FZD6: variants seen among roughly 807,000 people sequenced by gnomAD.
FZD6 encodes the protein frizzled-6.
A neutral mutation model predicts 61.4 loss-of-function variants in FZD6; 49 were observed. The ratio of observed to expected loss-of-function variants is 0.80; its 90% CI spans 0.63 to 1.01. The LOEUF is 1.01. Ranked by LOEUF, FZD6 falls within the 50% of genes least tolerant of loss-of-function variation. The probability of loss-of-function intolerance (pLI) is 0.00; values close to 1 mark genes in which losing one functional copy is unlikely to be tolerated. For missense variants in FZD6, 724 were observed against 848.2 expected, an observed-to-expected ratio of 0.85 and a Z score of 1.82; for synonymous variants, 265 against 292.2, an observed-to-expected ratio of 0.91 and a Z score of 0.95.
chr8:103,320,313 T>G (rs1047541776), intron 3 of FZD6, among the ~76,000 whole-genome samples: 8 of 152,106 alleles, frequency 5.3e-5, no homozygotes, highest in Non-Finnish European at 8.8e-5. Flanking sequence ...CAGGCGATCC[T>G]GAATGTGTGG....
Position 103,325,202 on chromosome 8 carries a change from G to A in FZD6, c.1096G>A (p.Ala366Thr). 6.2e-7 allele frequency: 1 copy of A among 1,614,144 alleles called. No individual in the cohort carries two copies. The highest frequency in any genetic ancestry group is 8.5e-7 in the Non-Finnish European group (1 of 1,180,018). ...CTTTGTTGGCCTTTATGACCTGGAT[G>A]CTTCTCGCTACTTTGTACTCTTGCC... Reference protein sequence around the residue: ...VCFVGLYDLDASRYFVLLPLC... With the variant: ...VCFVGLYDLDTSRYFVLLPLC... The change falls in exon 4 of 7, where the codon GCT (alanine) becomes ACT (threonine). Residue 366 changes from alanine to threonine, a missense_variant. Coordinates refer to ENST00000358755, the MANE Select transcript of FZD6 (RefSeq NM_003506.4).
chr8:103,307,272 G>A (rs1814363420), intron 2 of FZD6, among the ~76,000 whole-genome samples: 1 of 149,172 alleles, frequency 6.7e-6, no homozygotes, highest in African/African-American at 2.5e-5. Flanking sequence ...CCAACCCCAG[G>A]CCCATATTAT....
chr8:103,314,142 C>G (rs1212447131), intron 2 of FZD6, among the ~76,000 whole-genome samples: 1 of 152,138 alleles, frequency 6.6e-6, no homozygotes, highest in African/African-American at 2.4e-5. Context: ...AGGGAAGTGA[C>G]TTGTGTTTTC....
At chr8:103,310,310 C>A (rs1045748451) in intron 2 of FZD6, among the ~76,000 whole-genome samples, 1 of 151,726 alleles carries the variant, frequency 6.6e-6, no homozygotes, top group Non-Finnish European at 1.5e-5. Flanking sequence ...CACTCTGTTG[C>A]CTGGGCTGGA....
At chr8:103,322,864 G>A (rs1361257555) in intron 3 of FZD6, among the ~76,000 whole-genome samples, 1 of 152,138 alleles carries the variant, frequency 6.6e-6, no homozygotes, top group East Asian at 1.9e-4. Context: ...AGAGAGTCGT[G>A]CACAAGAATA....
intron 4 of FZD6, 120 bp downstream of exon 4, chr8:103,325,618 G>C: frequency 2.4e-6 from 2 of 840,912 alleles, no homozygotes; most frequent in South Asian, 1.4e-5. Context: ...AGAGCCATAG[G>C]TAAGGATTTC....
At chr8:103,309,290 C>T (rs1814430088) in intron 2 of FZD6, among the ~76,000 whole-genome samples, 1 of 152,216 alleles carries the variant, frequency 6.6e-6, no homozygotes, top group African/African-American at 2.4e-5. Context: ...GCTGTCCCTA[C>T]TGGGTGAGAA....
intron 3 of FZD6, among the ~76,000 whole-genome samples, chr8:103,319,549 T>C (rs1194730312): frequency 6.6e-6 from 1 of 152,154 alleles, no homozygotes; most frequent in Non-Finnish European, 1.5e-5. Context: ...TCCAGGACAC[T>C]TCCATCCTCC....
intron 2 of FZD6, among the ~76,000 whole-genome samples, chr8:103,303,806 T>C (rs1814241417): frequency 6.6e-6 from 1 of 152,254 alleles, no homozygotes; most frequent in African/African-American, 2.4e-5. Context: ...ACATTAGCTC[T>C]ACACATATTC....
At chr8:103,309,285 C>T (rs893721641) in intron 2 of FZD6, among the ~76,000 whole-genome samples, 23 of 152,164 alleles carry the variant, frequency 1.5e-4, no homozygotes, top group Admixed American at 1.5e-3. Flanking sequence ...ATGCTGCTGT[C>T]CCTACTGGGT....
chr8:103,304,173 G>T (rs1053317348), intron 2 of FZD6, among the ~76,000 whole-genome samples: 1 of 152,186 alleles, frequency 6.6e-6, no homozygotes, highest in African/African-American at 2.4e-5. Flanking sequence ...CTATGGCAAT[G>T]AATTGTACTC....
At chr8:103,303,188 C>T (rs1814220851) in intron 2 of FZD6, among the ~76,000 whole-genome samples, 1 of 152,122 alleles carries the variant, frequency 6.6e-6, no homozygotes, top group African/African-American at 2.4e-5. Context: ...CATCTTGTAC[C>T]TTCCCACATT....
rs1431877722 is a variant in FZD6, at chr8:103,329,753, G to A, written c.1640G>A (p.Ser547Asn). The part of the protein sequence containing the change: ...VKHKKKHYKP[S>N]SHKLKVISKS... ...CACAAAAAGAAGCACTATAAACCAA[G>A]TTCACACAAGCTGAAGGTCATTTCC... is the stretch of plus-strand genomic sequence containing the variant. The change falls in exon 6 of 7, where the codon AGT becomes AAT. Residue 547 changes from serine (S) to asparagine (N), a missense_variant. Ser to Asn is a conservative substitution (Grantham distance 46). Coordinates refer to ENST00000358755, the MANE Select transcript of FZD6 (RefSeq NM_003506.4). The A allele has an allele frequency of 6.2e-7, 1 of 1,613,778 alleles. No homozygotes were observed. The highest frequency in any genetic ancestry group is 1.7e-5 in the Admixed American group (1 of 59,982).
rs757357454 is a variant in FZD6 at position 103,325,446 on chromosome 8, T to C, written c.1340T>C (p.Ile447Thr). The change falls in exon 4 of 7, where the codon ATA becomes ACA. Residue 447 changes from isoleucine (I) to threonine (T), a missense_variant. Transcript: ENST00000358755. The part of the protein sequence containing the change: ...YEQVNRITWE[I>T]TWVSDHCRQY... Reference sequence around the variant, plus strand: ...CAAGTGAACAGGATTACCTGGGAGATAACTTGGGTCTCTGATCATTGTCGT... The same window carrying C: ...CAAGTGAACAGGATTACCTGGGAGACAACTTGGGTCTCTGATCATTGTCGT... The C allele has an allele frequency of 6.2e-6, 10 of 1,613,812 alleles. No homozygotes were observed. In the South Asian group the frequency reaches 1.1e-4, roughly 18 times the overall value.
intron 1 of FZD6, among the ~76,000 whole-genome samples, chr8:103,299,274 G>T (rs1313129673): frequency 6.6e-6 from 1 of 152,226 alleles, no homozygotes; most frequent in Non-Finnish European, 1.5e-5. Flanking sequence ...CTGGCGGACC[G>T]GGCATCAGTG....
At chr8:103,310,127 T>C (rs545770179) in intron 2 of FZD6, among the ~76,000 whole-genome samples, 62 of 152,306 alleles carry the variant, frequency 4.1e-4, no homozygotes, top group African/African-American at 1.5e-3. Context: ...GAACTCTGGG[T>C]CTCAGTTTCC....
At position 103,332,051 on chromosome 8, in the gene FZD6, T is replaced by TA. The variant is rs1308412762; in HGVS notation, c.*549dup. ...TGTAAAATAGTCTTCTTTTATACTGTAAAAAAAGATATACCAAAAAGTCTT... is the reference window on the plus strand; with the variant it reads ...TGTAAAATAGTCTTCTTTTATACTGTAAAAAAAAGATATACCAAAAAGTCTT... On this transcript the variant is annotated 3_prime_UTR_variant, in exon 7 of 7. Coordinates refer to ENST00000358755, the MANE Select transcript of FZD6 (RefSeq NM_003506.4). The TA allele has an allele frequency of 3.9e-5, 6 of 152,788 alleles. No individual in the cohort carries two copies. The highest frequency in any genetic ancestry group is 1.2e-4 in the African/African-American group (5 of 41,558). The allele number at this position is 152,788 out of a possible 1,614,324, so 9.5% of individuals were successfully genotyped here.
chr8:103,307,815 G>A (rs753997028), intron 2 of FZD6: 25 of 455,748 alleles, frequency 5.5e-5, no homozygotes, highest in African/African-American at 2.2e-4. Context: ...TCATAGAATC[G>A]CCAGGTGGGC....
chr8:103,326,810 C>T (rs1814965419), intron 4 of FZD6, among the ~76,000 whole-genome samples: 1 of 150,634 alleles, frequency 6.6e-6, no homozygotes, highest in Non-Finnish European at 1.5e-5. Flanking sequence ...AGAGTTGCTA[C>T]AGATCAATAA....
Sources: allele counts gnomAD v4.1 joint callset (sites outside exome capture counted in the v4.1 genomes callset), GRCh38; gene constraint gnomAD v4.1.1; transcripts MANE v1.5; gene names NCBI Gene and HGNC (gene_info 2026-07-23, HGNC 2026-07-21).